TBC1D19: variants seen among roughly 807,000 people sequenced by gnomAD.
The protein encoded by TBC1D19 is TBC1 domain family, member 19.
TBC1D19 carries 60 observed loss-of-function variants against 89.0 expected under a neutral mutation model. That is an observed-to-expected ratio of 0.67 (90% CI 0.55 to 0.84). The LOEUF is 0.84. Among genes scored for constraint, TBC1D19 ranks in the 40% least tolerant of loss-of-function variants. The pLI is 0.00. For missense variants in TBC1D19, 500 were observed against 610.8 expected, an observed-to-expected ratio of 0.82 and a Z score of 1.91; for synonymous variants, 189 against 199.7, an observed-to-expected ratio of 0.95 and a Z score of 0.45.
chr4:26,788,863 A>G, the TBC1D19 span, among the ~76,000 whole-genome samples: 1 of 152,168 alleles, frequency 6.6e-6, no homozygotes, highest in South Asian at 2.1e-4. Flanking sequence ...CTGCCTCTCA[A>G]ATTCTCAAGC....
At chr4:26,612,365 A>T (rs1270631358) in intron 1 of TBC1D19, among the ~76,000 whole-genome samples, 1 of 151,940 alleles carries the variant, frequency 6.6e-6, no homozygotes, top group African/African-American at 2.4e-5. Flanking sequence ...AACTTGGAAG[A>T]TCTGGTAAAT....
chr4:26,736,778 C>T (rs113022469), intron 16 of TBC1D19, among the ~76,000 whole-genome samples: 5 of 152,264 alleles, frequency 3.3e-5, no homozygotes, highest in Non-Finnish European at 7.4e-5. Flanking sequence ...TATGCACAGC[C>T]ACAATTACAT....
intron 13 of TBC1D19, among the ~76,000 whole-genome samples, chr4:26,701,598 A>G (rs1056338734): frequency 2.0e-5 from 3 of 152,130 alleles, no homozygotes; most frequent in African/African-American, 7.2e-5. Context: ...TTTATCTAAA[A>G]GCTTAATGTT....
intron 16 of TBC1D19, among the ~76,000 whole-genome samples, chr4:26,737,923 C>T (rs186687094): frequency 6.6e-6 from 1 of 151,842 alleles, no homozygotes; most frequent in Admixed American, 6.5e-5. Context: ...TTTAAAATAC[C>T]TTCTGCTCTT....
rs141477378 is a variant in TBC1D19, at chr4:26,599,230, T to C, written c.100-13939T>C. ...TAGTTTATATCCATTAGCACTGACA[T>C]TTAATAGAAATAACTCTTTAAAGGC... On this transcript the variant is annotated intron_variant, in intron 1 of 20. Coordinates refer to ENST00000264866, the MANE Select transcript of TBC1D19 (RefSeq NM_018317.4). 1.4e-3 allele frequency among the ~76,000 whole-genome samples: 210 copies of C among 152,334 alleles called. 1 individual carries two copies. Among genetic ancestry groups the C allele is most frequent in the African/African-American group, 4.9e-3 (204 of 41,576 alleles).
At chr4:26,645,222 G>C (rs1012792955) in intron 7 of TBC1D19, among the ~76,000 whole-genome samples, 1 of 152,142 alleles carries the variant, frequency 6.6e-6, no homozygotes, top group Non-Finnish European at 1.5e-5. Flanking sequence ...AAAGAACAAA[G>C]CTGGAGGCAT....
chr4:26,799,991 T>G, the TBC1D19 span, among the ~76,000 whole-genome samples: 1 of 152,178 alleles, frequency 6.6e-6, no homozygotes, highest in Non-Finnish European at 1.5e-5. Flanking sequence ...GTTGGACATT[T>G]ACATTTCTTT....
intron 5 of TBC1D19, 43 bp from the exon 6 acceptor site, chr4:26,638,728 T>G (rs1743297144): frequency 6.6e-7 from 1 of 1,504,692 alleles, no homozygotes; most frequent in Admixed American, 1.9e-5. Context: ...TTGCTAGACT[T>G]CAAAAAATGA....
chr4:26,769,654 C>G, the TBC1D19 span, among the ~76,000 whole-genome samples: 11 of 151,930 alleles, frequency 7.2e-5, no homozygotes, highest in African/African-American at 2.2e-4. Context: ...GCAATCCGCC[C>G]ACCTCAGCCT....
At chr4:26,620,053 A>G (rs1741941366) in intron 3 of TBC1D19, among the ~76,000 whole-genome samples, 1 of 152,140 alleles carries the variant, frequency 6.6e-6, no homozygotes, top group African/African-American at 2.4e-5. Context: ...TGCCTTTTCT[A>G]TCTGTGATTT....
At chr4:26,642,832 G>A (rs112862205) in intron 7 of TBC1D19, among the ~76,000 whole-genome samples, 2 of 48,410 alleles carry the variant, frequency 4.1e-5, no homozygotes, top group African/African-American at 7.9e-5. Flanking sequence ...AAGAGACAAA[G>A]AAGGCCATTA....
At chr4:26,720,193 G>A (rs1389413392) in intron 15 of TBC1D19, 68 bp downstream of exon 15, 13 of 1,225,398 alleles carry the variant, frequency 1.1e-5, no homozygotes, top group Non-Finnish European at 1.5e-5. Flanking sequence ...ATCAAAATGT[G>A]ACTTTCTTAT....
At chr4:26,749,393 TGAA>T (rs1196510554) in intron 19 of TBC1D19, among the ~76,000 whole-genome samples, 2 of 151,856 alleles carry the variant, frequency 1.3e-5, no homozygotes, top group African/African-American at 4.8e-5. Flanking sequence ...AAAGCTTAGT[TGAA>T]GAAGAATATG....
At chr4:26,698,533 A>T (rs201336715) in intron 13 of TBC1D19, among the ~76,000 whole-genome samples, 1 of 152,194 alleles carries the variant, frequency 6.6e-6, no homozygotes, top group East Asian at 1.9e-4. Context: ...ATATGGAACC[A>T]AAAATGAGCC....
the TBC1D19 span, among the ~76,000 whole-genome samples, chr4:26,790,413 T>C: frequency 6.6e-6 from 1 of 152,224 alleles, no homozygotes; most frequent in Non-Finnish European, 1.5e-5. Flanking sequence ...GTGAGTTTTT[T>C]ACAGCAGTCA....
chr4:26,646,474 A>G (rs1743964876), intron 7 of TBC1D19, among the ~76,000 whole-genome samples: 1 of 152,250 alleles, frequency 6.6e-6, no homozygotes, highest in African/African-American at 2.4e-5. Context: ...ATATACCCAA[A>G]GAATTGTAAA....
chr4:26,742,150 A>G (rs1272181598), intron 17 of TBC1D19, among the ~76,000 whole-genome samples: 1 of 152,164 alleles, frequency 6.6e-6, no homozygotes, highest in Non-Finnish European at 1.5e-5. Context: ...TTCAGATAAA[A>G]ACTAATTTTG....
chr4:26,840,498 C>G, the TBC1D19 span, among the ~76,000 whole-genome samples: 1 of 152,202 alleles, frequency 6.6e-6, no homozygotes, highest in Non-Finnish European at 1.5e-5. Context: ...CTCTTGCCCT[C>G]TGGGCCTGGT....
At position 26,649,767 on chromosome 4, in the gene TBC1D19, T is replaced by C. The variant is rs184087703; in HGVS notation, c.480+9580T>C. Among the ~76,000 whole-genome samples, 492 of 152,200 alleles carry C rather than the reference T, an allele frequency of 3.2e-3. 1 individual carries two copies. The highest frequency in any genetic ancestry group is 0.011 in the African/African-American group (457 of 41,518). ...AGGGTACATGTGCACAACGTGCAGGTTTGTTACATATGTATACATGTGCCA... is the reference window on the plus strand; with the variant it reads ...AGGGTACATGTGCACAACGTGCAGGCTTGTTACATATGTATACATGTGCCA... On this transcript the variant is annotated intron_variant, in intron 7 of 20. Coordinates refer to ENST00000264866, the MANE Select transcript of TBC1D19 (RefSeq NM_018317.4).
Sources: allele counts gnomAD v4.1 joint callset (sites outside exome capture counted in the v4.1 genomes callset), GRCh38; gene constraint gnomAD v4.1.1; transcripts MANE v1.5; gene names NCBI Gene and HGNC (gene_info 2026-07-23, HGNC 2026-07-21).